Variants in ESR1 observed in about 807,000 individuals in gnomAD.
The protein encoded by ESR1 is estrogen receptor 1.
In ESR1, 12 loss-of-function variants were observed where a neutral mutation model predicts 52.7. The ratio of observed to expected loss-of-function variants is 0.23; its 90% CI spans 0.15 to 0.37. ESR1 has a LOEUF of 0.37. Ranked by LOEUF, ESR1 falls within the 10% of genes least tolerant of loss-of-function variation. The probability of loss-of-function intolerance (pLI) is 1.00; values close to 1 mark genes in which losing one functional copy is unlikely to be tolerated. For missense variants in ESR1, 584 were observed against 779.7 expected (o/e 0.75, Z 2.99); for synonymous variants, 305 against 316.8 (o/e 0.96, Z 0.39).
At chr6:151,920,659 A>G (rs1482118976) in intron 3 of ESR1, among the ~76,000 whole-genome samples, 1 of 151,886 alleles carries the variant, frequency 6.6e-6, no homozygotes, top group Non-Finnish European at 1.5e-5. Flanking sequence ...CATTTTGTAG[A>G]ATGCCTCCCA....
intron 1 of ESR1, among the ~76,000 whole-genome samples, chr6:151,700,077 GA>G (rs71681730): frequency 0.089 from 11,219 of 126,680 alleles, 816 homozygotes; most frequent in East Asian, 0.42. Flanking sequence ...GAGGACAAGT[GA>G]AAAAAAAAAA....
At chr6:151,791,982 T>C (rs1168385459) in intron 2 of ESR1, among the ~76,000 whole-genome samples, 2 of 152,226 alleles carry the variant, frequency 1.3e-5, no homozygotes, top group Non-Finnish European at 2.9e-5. Flanking sequence ...GATTTTGTCA[T>C]GGTGCAAACA....
chr6:151,730,884 A>G lies in ESR1; in HGVS notation c.-71+28879A>G, dbSNP rs191979169. Among the ~76,000 whole-genome samples, 216 of 152,302 alleles carry G rather than the reference A, an allele frequency of 1.4e-3. 2 individuals carry two copies. Among genetic ancestry groups the G allele is most frequent in the African/African-American group, 5.1e-3 (211 of 41,568 alleles). ...TTTAATATGTCATTAAATTAAATAG[A>G]TATAATTTTCTCTGTCTAGCCAAGC... On this transcript the variant is annotated intron_variant, in intron 2 of 2. Coordinates refer to the ESR1 transcript ENST00000404742.
intron 2 of ESR1, among the ~76,000 whole-genome samples, chr6:151,728,848 A>G (rs990661146): frequency 1.6e-4 from 25 of 152,232 alleles, no homozygotes; most frequent in African/African-American, 6.0e-4. Context: ...ATTTTAATGG[A>G]CATAGATTAG....
chr6:151,974,528 G>C (rs927474922), intron 4 of ESR1, among the ~76,000 whole-genome samples: 2 of 152,050 alleles, frequency 1.3e-5, no homozygotes, highest in Non-Finnish European at 2.9e-5. Context: ...CAGAAATCTG[G>C]GTTCACATTT....
intron 3 of ESR1, among the ~76,000 whole-genome samples, chr6:151,894,492 G>A (rs1172660884): frequency 3.3e-5 from 5 of 152,200 alleles, no homozygotes; most frequent in South Asian, 2.1e-4. Context: ...TTTTTCTGAC[G>A]TTAACTTCTA....
intron 2 of ESR1, among the ~76,000 whole-genome samples, chr6:151,713,696 A>G (rs1268063389): frequency 1.4e-5 from 2 of 148,120 alleles, no homozygotes; most frequent in African/African-American, 5.1e-5. Context: ...TCCCTTTATC[A>G]TATTTTAGTG....
At chr6:151,976,440 T>C (rs931716949) in intron 4 of ESR1, among the ~76,000 whole-genome samples, 13 of 152,142 alleles carry the variant, frequency 8.5e-5, no homozygotes, top group African/African-American at 3.1e-4. Context: ...TTCACTATTT[T>C]TTTTTTTTGC....
At chr6:151,789,326 T>C (rs748075611) in intron 2 of ESR1, among the ~76,000 whole-genome samples, 1 of 152,210 alleles carries the variant, frequency 6.6e-6, no homozygotes, top group Non-Finnish European at 1.5e-5. Context: ...CAAACCTCTT[T>C]TTACTTTCTG....
intron 2 of ESR1, among the ~76,000 whole-genome samples, chr6:151,862,559 A>C (rs550393033): frequency 6.6e-6 from 1 of 152,280 alleles, no homozygotes; most frequent in South Asian, 2.1e-4. Flanking sequence ...AAGGCCCTGT[A>C]GGACTAAAGG....
intron 5 of ESR1, among the ~76,000 whole-genome samples, chr6:152,043,874 C>T (rs1345982038): frequency 1.3e-5 from 2 of 152,128 alleles, no homozygotes; most frequent in Admixed American, 6.5e-5. Context: ...AGGCTGTGCA[C>T]GTACCTTTCG....
intron 4 of ESR1, among the ~76,000 whole-genome samples, chr6:152,006,874 C>T (rs986179532): frequency 7.9e-5 from 12 of 152,058 alleles, no homozygotes; most frequent in Admixed American, 6.6e-4. Flanking sequence ...AGGGAACCAA[C>T]CACCTAGCTT....
downstream of ESR1, among the ~76,000 whole-genome samples, chr6:152,105,114 T>C (rs1228014566): frequency 6.6e-6 from 1 of 152,194 alleles, no homozygotes; most frequent in African/African-American, 2.4e-5. Context: ...CATCTCTTCA[T>C]TTGTCCATCT....
intron 2 of ESR1, among the ~76,000 whole-genome samples, chr6:151,787,037 G>A (rs530420887): frequency 6.6e-5 from 10 of 152,188 alleles, no homozygotes; most frequent in Admixed American, 1.3e-4. Flanking sequence ...GTGAACTCCT[G>A]ACCTCAGTTG....
intron 4 of ESR1, among the ~76,000 whole-genome samples, chr6:151,953,618 G>A (rs990171029): frequency 6.6e-6 from 1 of 152,056 alleles, no homozygotes; most frequent in African/African-American, 2.4e-5. Flanking sequence ...CTACTCGGGA[G>A]GCTGAGCGGG....
intron 2 of ESR1, among the ~76,000 whole-genome samples, chr6:151,874,688 A>T (rs1259111696): frequency 6.6e-6 from 1 of 152,202 alleles, no homozygotes; most frequent in Non-Finnish European, 1.5e-5. Flanking sequence ...TATGTAGTTT[A>T]TATGTAAGAA....
chr6:151,749,711 AG>A (rs138220647), intron 2 of ESR1, among the ~76,000 whole-genome samples: 6,065 of 152,188 alleles, frequency 0.04, 421 homozygotes, highest in African/African-American at 0.14. Flanking sequence ...TTCTGGAGGA[AG>A]GGGATCACGG....
chr6:151,905,682 T>TAGAG (rs1329571010), intron 3 of ESR1, among the ~76,000 whole-genome samples: 3 of 152,160 alleles, frequency 2.0e-5, no homozygotes, highest in African/African-American at 7.2e-5. Flanking sequence ...CAGCTGCTCT[T>TAGAG]AGAGTTTATT....
chr6:152,092,454 C>T (rs1034178851), intron 6 of ESR1, among the ~76,000 whole-genome samples: 2 of 151,214 alleles, frequency 1.3e-5, no homozygotes, highest in Admixed American at 6.6e-5. Flanking sequence ...CTCCCATACC[C>T]GACCTACAAA....
Sources: gnomAD v4.1 joint callset for allele counts (sites outside exome capture counted in the v4.1 genomes callset) on GRCh38, gnomAD v4.1.1 for gene constraint, MANE v1.5 for transcripts, NCBI Gene and HGNC (gene_info 2026-07-23, HGNC 2026-07-21) for gene names.